The following SLC4A4 variants were observed in gnomAD, a reference collection of about 807,000 sequenced individuals.
The protein encoded by SLC4A4 is electrogenic sodium bicarbonate cotransporter 1.
Under a neutral mutation model 111.5 loss-of-function variants are expected in SLC4A4, and 27 were observed. The observed-to-expected ratio is 0.24, with a 90% CI of 0.18 to 0.33. The LOEUF is 0.33. SLC4A4 is among the 10% of genes least tolerant of loss of function. SLC4A4 has a pLI of 1.00. For missense variants in SLC4A4, 909 were observed against 1,315.5 expected, an observed-to-expected ratio of 0.69 and a Z score of 4.78; for synonymous variants, 443 against 463.4, an observed-to-expected ratio of 0.96 and a Z score of 0.57.
At chr4:71,519,021 A>G (rs4320110) in intron 16 of SLC4A4, among the ~76,000 whole-genome samples, 63,344 of 152,102 alleles carry the variant, frequency 0.42, 16,036 homozygotes, top group African/African-American at 0.67. Context: ...CCTGAGGTTG[A>G]AGAAGGGGTA....
At chr4:71,198,914 G>T (rs531819604) in intron 1 of SLC4A4, among the ~76,000 whole-genome samples, 1 of 152,322 alleles carries the variant, frequency 6.6e-6, no homozygotes, top group Non-Finnish European at 1.5e-5. Context: ...TACCACAAGA[G>T]GAGAAACTGG....
At position 71,255,354 on chromosome 4, in the gene SLC4A4, A is replaced by G; in HGVS notation, c.208A>G (p.Ile70Val). 4 of 1,613,620 alleles carry G rather than the reference A, an allele frequency of 2.5e-6. No individual in the cohort carries two copies. The highest frequency in any genetic ancestry group is 1.1e-5 in the South Asian group (1 of 91,074). ...ISENYSDKSD[I>V]ENADESSSSI... ...TGAGAACTACTCTGACAAATCAGAT[A>G]TTGAAAATGCTGATGAATCCAGCAG... The change falls in exon 3 of 26, where the codon ATT (isoleucine) becomes GTT (valine). Residue 70 changes from isoleucine to valine, a missense_variant. Around this residue, in one of 7 missense-constraint regions of SLC4A4, gnomAD observed 117 missense variants for 154.2 expected, o/e 0.76. Transcript: ENST00000264485.
At chr4:71,521,618 G>C (rs1732940547) in intron 16 of SLC4A4, among the ~76,000 whole-genome samples, 1 of 152,104 alleles carries the variant, frequency 6.6e-6, no homozygotes, top group Admixed American at 6.5e-5. Context: ...GGTAATTTGA[G>C]GATTTAATAA....
At chr4:71,070,475 T>G (rs766930332) in intron 1 of SLC4A4, among the ~76,000 whole-genome samples, 1 of 152,152 alleles carries the variant, frequency 6.6e-6, no homozygotes, top group Non-Finnish European at 1.5e-5. Flanking sequence ...CTTTCATATT[T>G]TATTGGCCAA....
intron 3 of SLC4A4, among the ~76,000 whole-genome samples, chr4:71,324,594 G>A (rs762648618): frequency 2.0e-5 from 3 of 152,004 alleles, no homozygotes; most frequent in East Asian, 1.9e-4. Flanking sequence ...AGAAATCCTC[G>A]TTTTAATTTT....
In SLC4A4 at chr4:71,420,319, A is replaced by G. The variant is rs539196504; in HGVS notation, c.808-20297A>G. ...TAAAAAGAAACGAACAAAGCCTCCA[A>G]GAAATATGGGACTATGTGAAAAGAC... On this transcript the variant is annotated intron_variant, in intron 7 of 25. Transcript: ENST00000264485. Among the ~76,000 whole-genome samples the G allele has an allele frequency of 2.9e-3, 435 of 152,356 alleles. 2 individuals carry two copies. Among genetic ancestry groups the G allele is most frequent in the South Asian group, 0.013 (61 of 4,824 alleles).
chr4:71,070,872 C>G (rs1741642532), intron 1 of SLC4A4, among the ~76,000 whole-genome samples: 1 of 152,126 alleles, frequency 6.6e-6, no homozygotes, highest in Non-Finnish European at 1.5e-5. Flanking sequence ...ACCCAAAAAT[C>G]TGCATTAAAA....
intron 2 of SLC4A4, among the ~76,000 whole-genome samples, chr4:71,175,206 TG>T (rs1745052804): frequency 6.6e-6 from 1 of 152,194 alleles, no homozygotes; most frequent in African/African-American, 2.4e-5. Context: ...TTTTAAAAAG[TG>T]GGGGTGGAGC....
chr4:71,553,857 C>T (rs1437891500), intron 20 of SLC4A4, among the ~76,000 whole-genome samples: 1 of 151,850 alleles, frequency 6.6e-6, no homozygotes, highest in African/African-American at 2.4e-5. Flanking sequence ...CATCATCCCT[C>T]CTACCCCCGT....
intron 2 of SLC4A4, among the ~76,000 whole-genome samples, chr4:71,247,220 C>T (rs1211089459): frequency 6.8e-6 from 1 of 147,692 alleles, no homozygotes; most frequent in African/African-American, 2.5e-5. Context: ...TAAATATTTA[C>T]ATCAATATTT....
intron 16 of SLC4A4, among the ~76,000 whole-genome samples, chr4:71,498,200 G>T (rs1288763910): frequency 6.6e-6 from 1 of 152,060 alleles, no homozygotes; most frequent in African/African-American, 2.4e-5. Flanking sequence ...TTTCCTTCCC[G>T]TAATGATGAA....
intron 18 of SLC4A4, among the ~76,000 whole-genome samples, chr4:71,538,423 A>G (rs1734759061): frequency 6.6e-6 from 1 of 152,146 alleles, no homozygotes; most frequent in Non-Finnish European, 1.5e-5. Flanking sequence ...TTGAATAATG[A>G]GAGTTATGGA....
At chr4:71,467,311 T>C (rs1015983083) in intron 13 of SLC4A4, among the ~76,000 whole-genome samples, 1 of 152,162 alleles carries the variant, frequency 6.6e-6, no homozygotes, top group Non-Finnish European at 1.5e-5. Flanking sequence ...GGATGCTCTT[T>C]ACTTAGTCCA....
chr4:71,111,110 T>G (rs1288627140), intron 2 of SLC4A4, among the ~76,000 whole-genome samples: 1 of 152,096 alleles, frequency 6.6e-6, no homozygotes, highest in Non-Finnish European at 1.5e-5. Flanking sequence ...GATAAAAAAA[T>G]TATTTAATCT....
intron 16 of SLC4A4, among the ~76,000 whole-genome samples, chr4:71,503,036 A>AT (rs1731087665): frequency 6.6e-6 from 1 of 152,078 alleles, no homozygotes; most frequent in Non-Finnish European, 1.5e-5. Context: ...TAGATTTATA[A>AT]TTGTTTTATT....
At chr4:71,560,900 A>T (rs1282080587) in intron 23 of SLC4A4, among the ~76,000 whole-genome samples, 3 of 151,710 alleles carry the variant, frequency 2.0e-5, no homozygotes, top group Non-Finnish European at 4.4e-5. Flanking sequence ...TTGAGAAGTA[A>T]AATTGTTGCC....
At chr4:71,187,006 T>C, upstream of SLC4A4, 1 of 152,456 alleles carries the variant, frequency 6.6e-6, no homozygotes, top group African/African-American at 2.4e-5. Context: ...TCCCCTTTCC[T>C]CGCGGGCCGT....
chr4:71,118,189 T>C (rs1743323668), intron 2 of SLC4A4, among the ~76,000 whole-genome samples: 1 of 152,208 alleles, frequency 6.6e-6, no homozygotes. Flanking sequence ...TTAAATACAT[T>C]TTCTAGTTAT....
intron 13 of SLC4A4, among the ~76,000 whole-genome samples, chr4:71,469,528 G>T (rs935011066): frequency 1.3e-5 from 2 of 151,872 alleles, no homozygotes. Context: ...GTACCATAAT[G>T]ATATGAATCT....
Sources: gnomAD v4.1 joint callset for allele counts (sites outside exome capture counted in the v4.1 genomes callset) on GRCh38, gnomAD v4.1.1 for gene constraint, gnomAD v4.1.1 regional missense constraint, MANE v1.5 for transcripts, NCBI Gene and HGNC (gene_info 2026-07-23, HGNC 2026-07-21) for gene names.